MYO1D: variants seen among roughly 807,000 people sequenced by gnomAD.
MYO1D encodes unconventional myosin-Id.
In MYO1D, 83 loss-of-function variants were observed where a neutral mutation model predicts 122.0. The observed-to-expected ratio is 0.68, with a 90% confidence interval of 0.57 to 0.82. The LOEUF (loss-of-function observed/expected upper bound fraction) is 0.82, where lower values mean the gene tolerates loss of function less well. Among genes scored for constraint, MYO1D ranks in the 40% least tolerant of loss-of-function variants. The pLI is 0.00. For missense variants in MYO1D, 1,157 were observed against 1,269.5 expected (o/e 0.91, Z 1.35); for synonymous variants, 464 against 446.9 (o/e 1.04, Z -0.48).
chr17:32,711,153 G>C (rs1235462504), intron 16 of MYO1D, among the ~76,000 whole-genome samples: 8 of 152,062 alleles, frequency 5.3e-5, no homozygotes, highest in Admixed American at 5.2e-4. Flanking sequence ...TATGGGAAAG[G>C]GTATGGGGGA....
At chr17:32,568,788 T>C (rs1005548310) in intron 21 of MYO1D, among the ~76,000 whole-genome samples, 2 of 152,226 alleles carry the variant, frequency 1.3e-5, no homozygotes, top group African/African-American at 2.4e-5. Flanking sequence ...ACCTCAGCCC[T>C]TCCAGCTTCT....
At chr17:32,521,649 TTAAA>T (rs1910142459) in intron 21 of MYO1D, among the ~76,000 whole-genome samples, 1 of 152,068 alleles carries the variant, frequency 6.6e-6, no homozygotes, top group Admixed American at 6.5e-5. Context: ...CCAACCTGGA[TTAAA>T]TAAATAAATC....
intron 1 of MYO1D, among the ~76,000 whole-genome samples, chr17:32,873,422 A>G (rs1239906891): frequency 6.6e-6 from 1 of 152,224 alleles, no homozygotes; most frequent in Non-Finnish European, 1.5e-5. Context: ...ATGAGGTACA[A>G]GCACACATGG....
In MYO1D at chr17:32,493,181, T is replaced by G. The variant is rs1045412195; in HGVS notation, c.*1578A>C. The G allele has an allele frequency of 1.3e-5, 2 of 152,320 alleles. No individual in the cohort carries two copies. The highest frequency in any genetic ancestry group is 4.8e-5 in the African/African-American group (2 of 41,444). 9.4% of individuals were successfully genotyped at this position (152,320 alleles called of 1,614,324 possible). A position where few individuals can be genotyped will look rare whatever the true frequency, so the allele number is the denominator to read the frequency against. ...AATCTGGGCTGAGGGCACCTCTGCCTGTGCAGGCAGCTGACCAGGCTTGGA... is the reference window on the plus strand; with the variant it reads ...AATCTGGGCTGAGGGCACCTCTGCCGGTGCAGGCAGCTGACCAGGCTTGGA... On this transcript the variant is annotated 3_prime_UTR_variant, in exon 22 of 22. Coordinates refer to ENST00000318217, the MANE Select transcript of MYO1D (RefSeq NM_015194.3).
At chr17:32,560,230 G>T (rs988435493) in intron 21 of MYO1D, among the ~76,000 whole-genome samples, 3 of 152,082 alleles carry the variant, frequency 2.0e-5, no homozygotes, top group Non-Finnish European at 4.4e-5. Context: ...ACTGCAGCCT[G>T]GGCGACAGAA....
intron 21 of MYO1D, chr17:32,505,467 G>A (rs1909471267): frequency 6.6e-6 from 1 of 152,232 alleles, no homozygotes; most frequent in Non-Finnish European, 1.5e-5. Flanking sequence ...GGAAGGTCAG[G>A]CTGGGGCTCA....
intron 20 of MYO1D, among the ~76,000 whole-genome samples, chr17:32,624,908 A>G (rs1234431915): frequency 1.3e-5 from 2 of 151,400 alleles, no homozygotes; most frequent in Admixed American, 1.3e-4. Flanking sequence ...CTCTTGCCTC[A>G]GCCTCCCGAG....
chr17:32,654,028 T>C, intron 18 of MYO1D, 81 bp from the exon 19 acceptor site: 4 of 1,046,882 alleles, frequency 3.8e-6, no homozygotes, highest in Non-Finnish European at 5.7e-6. Flanking sequence ...TACTGCTTTA[T>C]AACTACACTT....
chr17:32,595,763 A>G (rs779055416), intron 21 of MYO1D, among the ~76,000 whole-genome samples: 8 of 152,242 alleles, frequency 5.3e-5, no homozygotes, highest in Non-Finnish European at 1.2e-4. Flanking sequence ...CTGCTTACAT[A>G]AAGCTTGTAT....
rs115469631 is a variant in MYO1D at position 32,685,545 on chromosome 17, G to T, written c.2122-26207C>A. ...ACTATATAATGGCAGGTAGCCTAAA[G>T]GAGTCCTGGAGTTTCCATGTCTGTA... is the stretch of plus-strand genomic sequence containing the variant. On this transcript the variant is annotated intron_variant, in intron 16 of 21. Transcript: ENST00000318217. 3.4e-3 allele frequency among the ~76,000 whole-genome samples: 514 copies of T among 152,266 alleles called. 3 individuals are homozygous for T. Among genetic ancestry groups the T allele is most frequent in the African/African-American group, 0.012 (487 of 41,550 alleles).
chr17:32,511,279 T>A (rs73274258), intron 21 of MYO1D, among the ~76,000 whole-genome samples: 5,701 of 152,166 alleles, frequency 0.037, 356 homozygotes, highest in African/African-American at 0.13. Flanking sequence ...GCTGGAGTGT[T>A]GTGGCATGAT....
chr17:32,792,639 T>A (rs2090366223), intron 1 of MYO1D: 1 of 152,212 alleles, frequency 6.6e-6, no homozygotes. Context: ...AGCTTTATTT[T>A]ATTTTTGTTT....
intron 1 of MYO1D, among the ~76,000 whole-genome samples, chr17:32,803,293 C>A (rs1288207114): frequency 2.0e-5 from 3 of 152,008 alleles, no homozygotes; most frequent in African/African-American, 7.3e-5. Flanking sequence ...ACTACAGGTG[C>A]CCGCCACCAC....
chr17:32,854,636 G>C (rs747432665), intron 1 of MYO1D, among the ~76,000 whole-genome samples: 19 of 152,210 alleles, frequency 1.2e-4, no homozygotes, highest in Non-Finnish European at 2.2e-4. Flanking sequence ...CCTGTACACA[G>C]ACCAACTGGG....
At chr17:32,506,682 T>C (rs1909512034) in intron 21 of MYO1D, among the ~76,000 whole-genome samples, 1 of 152,254 alleles carries the variant, frequency 6.6e-6, no homozygotes, top group African/African-American at 2.4e-5. Flanking sequence ...AAGGGATTTC[T>C]CAGATTTAAT....
intron 1 of MYO1D, among the ~76,000 whole-genome samples, chr17:32,825,794 C>T (rs1256558887): frequency 6.6e-6 from 1 of 152,080 alleles, no homozygotes; most frequent in Non-Finnish European, 1.5e-5. Flanking sequence ...TCCCAGCACT[C>T]TGGAAGACCC....
intron 14 of MYO1D, among the ~76,000 whole-genome samples, chr17:32,728,260 C>T (rs578073478): frequency 7.3e-5 from 11 of 151,368 alleles, no homozygotes; most frequent in Non-Finnish European, 1.5e-5. Flanking sequence ...GGCTGGAGTG[C>T]AATGGCGTGA....
At chr17:32,873,824 T>C (rs1484952942) in intron 1 of MYO1D, among the ~76,000 whole-genome samples, 2 of 152,158 alleles carry the variant, frequency 1.3e-5, no homozygotes, top group African/African-American at 2.4e-5. Context: ...TACAAATACA[T>C]ATACATCTGT....
At chr17:32,867,062 G>A (rs1438680353) in intron 1 of MYO1D, among the ~76,000 whole-genome samples, 1 of 151,994 alleles carries the variant, frequency 6.6e-6, no homozygotes, top group Non-Finnish European at 1.5e-5. Context: ...TCTGTAGGAA[G>A]CCCTTAAAAG....
Sources: gnomAD v4.1 joint callset for allele counts (sites outside exome capture counted in the v4.1 genomes callset) on GRCh38, gnomAD v4.1.1 for gene constraint, MANE v1.5 for transcripts, NCBI Gene and HGNC (gene_info 2026-07-23, HGNC 2026-07-21) for gene names.